Variants in ITGB3BP observed in about 807,000 individuals in gnomAD.
The protein encoded by ITGB3BP is centromere protein R.
A neutral mutation model predicts 29.1 loss-of-function variants in ITGB3BP; 27 were observed. The ratio of observed to expected loss-of-function variants is 0.93; its 90% CI spans 0.68 to 1.28. ITGB3BP has a LOEUF of 1.28. ITGB3BP is among the 50% of genes most tolerant of loss of function. The pLI, the probability that ITGB3BP is intolerant of heterozygous loss-of-function variation, is 0.00. For missense variants in ITGB3BP, 192 were observed against 200.2 expected, an observed-to-expected ratio of 0.96 and a Z score of 0.25; for synonymous variants, 61 against 61.4, an observed-to-expected ratio of 0.99 and a Z score of 0.03.
intron 2 of ITGB3BP, among the ~76,000 whole-genome samples, chr1:63,507,398 A>G (rs1646104486): frequency 6.6e-6 from 1 of 152,180 alleles, no homozygotes; most frequent in Admixed American, 6.5e-5. Flanking sequence ...CATGATGACA[A>G]TTTACTTCAT....
intron 7 of ITGB3BP, among the ~76,000 whole-genome samples, chr1:63,451,250 C>G (rs1453317607): frequency 5.3e-5 from 8 of 151,750 alleles, no homozygotes; most frequent in African/African-American, 1.9e-4. Context: ...ATCTGAAGGA[C>G]ATTCTTTTGA....
intron 4 of ITGB3BP, among the ~76,000 whole-genome samples, chr1:63,473,625 G>C (rs1438776533): frequency 7.7e-6 from 1 of 129,128 alleles, no homozygotes; most frequent in African/African-American, 3.0e-5. Context: ...AGGTGGGGGG[G>C]TCAGCCCCCC....
intron 8 of ITGB3BP, among the ~76,000 whole-genome samples, chr1:63,443,655 A>G (rs778872354): frequency 2.0e-5 from 3 of 152,182 alleles, no homozygotes; most frequent in Non-Finnish European, 4.4e-5. Flanking sequence ...AAGTGCAGAC[A>G]GGTAGGTTAC....
At chr1:63,497,742 T>A (rs150587168) in intron 2 of ITGB3BP, among the ~76,000 whole-genome samples, 3 of 152,186 alleles carry the variant, frequency 2.0e-5, no homozygotes, top group African/African-American at 7.2e-5. Flanking sequence ...GGACAGAAGG[T>A]AGGCTGAGTG....
intron 7 of ITGB3BP, among the ~76,000 whole-genome samples, chr1:63,448,080 C>CA (rs1644810714): frequency 6.8e-6 from 1 of 147,008 alleles, no homozygotes; most frequent in Non-Finnish European, 1.5e-5. Flanking sequence ...ATTGCAAGGA[C>CA]AAAAAACCAA....
intron 4 of ITGB3BP, among the ~76,000 whole-genome samples, chr1:63,472,596 G>C (rs1337987306): frequency 3.3e-5 from 5 of 150,314 alleles, no homozygotes; most frequent in Non-Finnish European, 5.9e-5. Flanking sequence ...TCAGCCTGCC[G>C]AGTGCCTGCG....
chr1:63,489,897 G>A (rs998070480), intron 3 of ITGB3BP, among the ~76,000 whole-genome samples, 186 bp downstream of exon 3: 2 of 152,016 alleles, frequency 1.3e-5, no homozygotes. Flanking sequence ...GCCTGCAGTT[G>A]CATTTTAAAA....
chr1:63,448,453 C>T (rs1644818729), intron 7 of ITGB3BP, among the ~76,000 whole-genome samples: 1 of 151,952 alleles, frequency 6.6e-6, no homozygotes. Context: ...AAAATGACTA[C>T]CCTCCTCTTA....
chr1:63,489,801 A>T (rs1261466679), intron 3 of ITGB3BP, among the ~76,000 whole-genome samples: 1 of 152,106 alleles, frequency 6.6e-6, no homozygotes, highest in Non-Finnish European at 1.5e-5. Context: ...GTTAAGGGGC[A>T]TATCTGTAAC....
chr1:63,477,602 C>T (rs1226348888), intron 4 of ITGB3BP, among the ~76,000 whole-genome samples: 1 of 151,864 alleles, frequency 6.6e-6, no homozygotes, highest in African/African-American at 2.4e-5. Context: ...GACCTGTAGT[C>T]TCAGCTACAC....
At chr1:63,525,619 C>G (rs1465793651), upstream of ITGB3BP, 2 of 1,581,492 alleles carry the variant, frequency 1.3e-6, no homozygotes. Context: ...AGTCAGAAAT[C>G]AACACCTTCA....
intron 4 of ITGB3BP, among the ~76,000 whole-genome samples, chr1:63,459,169 T>C (rs931253655): frequency 6.6e-6 from 1 of 152,150 alleles, no homozygotes; most frequent in African/African-American, 2.4e-5. Context: ...TCCATGTACC[T>C]AATTTAATGA....
At chr1:63,507,349 C>T (rs930969064) in intron 2 of ITGB3BP, among the ~76,000 whole-genome samples, 6 of 152,188 alleles carry the variant, frequency 3.9e-5, no homozygotes, top group African/African-American at 1.2e-4. Flanking sequence ...GCTACCTTGA[C>T]ACATCTTCAT....
At chr1:63,442,849 A>G (rs1349549615) in intron 8 of ITGB3BP, 1 of 152,218 alleles carries the variant, frequency 6.6e-6, no homozygotes, top group Non-Finnish European at 1.5e-5. Context: ...TGTTCATACT[A>G]AGCCTCATCC....
chr1:63,487,602 T>A (rs1371603639), intron 3 of ITGB3BP, among the ~76,000 whole-genome samples: 2 of 152,100 alleles, frequency 1.3e-5, no homozygotes, highest in African/African-American at 4.8e-5. Context: ...TACAGCATAT[T>A]ACTGTACTGA....
chr1:63,456,891 A>G (rs1644943493), intron 4 of ITGB3BP, among the ~76,000 whole-genome samples: 2 of 152,202 alleles, frequency 1.3e-5, no homozygotes, highest in South Asian at 4.1e-4. Flanking sequence ...TAAGATAGTA[A>G]TTGAGGGGCT....
At chr1:63,444,589 ATC>A (rs959546077) in intron 8 of ITGB3BP, among the ~76,000 whole-genome samples, 8 of 110,218 alleles carry the variant, frequency 7.3e-5, no homozygotes, top group African/African-American at 1.5e-4. Flanking sequence ...ATATATATAT[ATC>A]TCCTATTACA....
chr1:63,503,287 G>A (rs1399224372), intron 2 of ITGB3BP, among the ~76,000 whole-genome samples: 2 of 152,134 alleles, frequency 1.3e-5, no homozygotes, highest in African/African-American at 2.4e-5. Context: ...ATTTTTTCAT[G>A]TGTCTTTTGG....
At chr1:63,471,126 T>G (rs1317591968) in intron 4 of ITGB3BP, among the ~76,000 whole-genome samples, 1 of 152,234 alleles carries the variant, frequency 6.6e-6, no homozygotes, top group African/African-American at 2.4e-5. Flanking sequence ...CTTGCAAATC[T>G]TTTCACGCTG....
Sources: gnomAD v4.1 joint callset for allele counts (sites outside exome capture counted in the v4.1 genomes callset) on GRCh38, gnomAD v4.1.1 for gene constraint, MANE v1.5 for transcripts, NCBI Gene and HGNC (gene_info 2026-07-23, HGNC 2026-07-21) for gene names.